The following B4GALT6 variants were observed in gnomAD, a reference collection of about 807,000 sequenced individuals.
B4GALT6 encodes beta-1,4-galactosyltransferase 6, also known as UDP-Gal:beta-GlcNAc beta-1,4-galactosyltransferase 6.
In B4GALT6, 14 loss-of-function variants were observed where a neutral mutation model predicts 46.3. That is an observed-to-expected ratio of 0.30 (90% CI 0.20 to 0.47). B4GALT6 has a LOEUF of 0.47. Ranked by LOEUF, B4GALT6 falls within the 20% of genes least tolerant of loss-of-function variation. The probability of loss-of-function intolerance (pLI) is 0.99; values close to 1 mark genes in which losing one functional copy is unlikely to be tolerated. For synonymous variants in B4GALT6, 168 were observed against 162.0 expected, an observed-to-expected ratio of 1.04 and a Z score of -0.28; for missense variants, 386 against 480.1, an observed-to-expected ratio of 0.80 and a Z score of 1.83.
chr18:31,637,777 T>C (rs897433905), intron 5 of B4GALT6, among the ~76,000 whole-genome samples: 4 of 152,212 alleles, frequency 2.6e-5, no homozygotes, highest in Non-Finnish European at 4.4e-5. Flanking sequence ...AACTGAAATG[T>C]TTTTTCAAAT....
At chr18:31,666,569 C>CA (rs906855620) in intron 1 of B4GALT6, among the ~76,000 whole-genome samples, 197 bp from the exon 2 acceptor site, 4 of 149,722 alleles carry the variant, frequency 2.7e-5, no homozygotes, top group Non-Finnish European at 3.0e-5. Context: ...AGAATAAAAA[C>CA]AAAAAAAAAG....
chr18:31,628,072 T>C lies in B4GALT6; in HGVS notation c.777-951A>G, dbSNP rs62093487. Among the ~76,000 whole-genome samples, 822 of 152,344 alleles carry C rather than the reference T, an allele frequency of 5.4e-3. 4 individuals carry two copies. The highest frequency in any genetic ancestry group is 8.9e-3 in the Non-Finnish European group (604 of 68,026). ...TGAGAAGGACGTGCTGTTTGCCAGC[T>C]GGGGTCTTGTGTGGCACACAGACCA... On this transcript the variant is annotated intron_variant, in intron 6 of 8. Transcript: ENST00000306851.
rs367718116 is a variant in B4GALT6 at position 31,658,040 on chromosome 18, C to A, written c.282G>T (p.Thr94=). ...NSSDYLVQTT[T]YLPENFTYSP... ...AGTATGTGAAGTTTTCCGGGAGATACGTTGTTGTTTGAACAAGATAATCAC... is the reference window on the plus strand; with the variant it reads ...AGTATGTGAAGTTTTCCGGGAGATAAGTTGTTGTTTGAACAAGATAATCAC... Residue 94 remains threonine, a synonymous_variant, in exon 3 of 9, where the codon ACG becomes ACT. Transcript: ENST00000306851. 2 of 1,610,978 alleles carry A rather than the reference C, an allele frequency of 1.2e-6. No individual in the cohort carries two copies. Among genetic ancestry groups the A allele is most frequent in the South Asian group, 1.1e-5 (1 of 90,988 alleles).
the B4GALT6 span, among the ~76,000 whole-genome samples, chr18:31,709,716 G>A: frequency 1.3e-4 from 19 of 151,574 alleles, no homozygotes; most frequent in Admixed American, 5.9e-4. Flanking sequence ...CTAAGATACC[G>A]ACAATTTAAA....
chr18:31,713,337 G>T, the B4GALT6 span, among the ~76,000 whole-genome samples: 1 of 152,200 alleles, frequency 6.6e-6, no homozygotes, highest in East Asian at 1.9e-4. Flanking sequence ...GGGCAATAGC[G>T]TGAGATTCCA....
chr18:31,710,606 C>T, the B4GALT6 span, among the ~76,000 whole-genome samples: 4 of 152,180 alleles, frequency 2.6e-5, no homozygotes, highest in Non-Finnish European at 5.9e-5. Flanking sequence ...GGACTAGGCA[C>T]TCCCTCGTAG....
chr18:31,702,587 A>G, the B4GALT6 span, among the ~76,000 whole-genome samples: 3 of 152,190 alleles, frequency 2.0e-5, no homozygotes, highest in Non-Finnish European at 2.9e-5. Context: ...GAGTTTTAAC[A>G]GGAGACTGTT....
chr18:31,658,260 G>C (rs1423002706), intron 2 of B4GALT6, 171 bp from the exon 3 acceptor site: 1 of 535,452 alleles, frequency 1.9e-6, no homozygotes, highest in African/African-American at 1.9e-5. Flanking sequence ...GCGGGGAACA[G>C]ACCTCTCAGC....
the B4GALT6 span, among the ~76,000 whole-genome samples, chr18:31,703,253 G>T: frequency 6.6e-6 from 1 of 152,300 alleles, no homozygotes; most frequent in South Asian, 2.1e-4. Flanking sequence ...TGGGCAGAAA[G>T]TGGGGAAAAG....
At chr18:31,670,965 T>C (rs1012102818) in intron 1 of B4GALT6, among the ~76,000 whole-genome samples, 2 of 152,036 alleles carry the variant, frequency 1.3e-5, no homozygotes, top group Non-Finnish European at 2.9e-5. Flanking sequence ...TGTGTTCTCA[T>C]TGTTCAACTC....
At chr18:31,626,724 C>T (rs1025288112) in intron 7 of B4GALT6, among the ~76,000 whole-genome samples, 1 of 151,996 alleles carries the variant, frequency 6.6e-6, no homozygotes, top group Admixed American at 6.5e-5. Flanking sequence ...GGTTTCCTCC[C>T]GAAACCATCC....
chr18:31,687,322 G>C (rs966277948), upstream of B4GALT6, among the ~76,000 whole-genome samples: 10 of 152,202 alleles, frequency 6.6e-5, no homozygotes, highest in Non-Finnish European at 1.5e-4. Flanking sequence ...TCTCCTTGCA[G>C]TCACTCTCTG....
intron 2 of B4GALT6, among the ~76,000 whole-genome samples, chr18:31,659,571 C>A (rs16962297): frequency 6.6e-6 from 1 of 152,134 alleles, no homozygotes; most frequent in Non-Finnish European, 1.5e-5. Flanking sequence ...TGCTTGGAAA[C>A]CCCAGTTACA....
intron 4 of B4GALT6, among the ~76,000 whole-genome samples, chr18:31,640,796 T>C (rs1397339868): frequency 6.6e-6 from 1 of 152,246 alleles, no homozygotes; most frequent in Non-Finnish European, 1.5e-5. Context: ...TGAGGGGCAC[T>C]TACTGCTGGG....
At chr18:31,671,449 T>C (rs1360874156) in intron 1 of B4GALT6, among the ~76,000 whole-genome samples, 1 of 152,242 alleles carries the variant, frequency 6.6e-6, no homozygotes, top group Non-Finnish European at 1.5e-5. Context: ...GTAACTGGCA[T>C]GAGATGGTAT....
At chr18:31,697,915 G>A in the B4GALT6 span, among the ~76,000 whole-genome samples, 1 of 151,892 alleles carries the variant, frequency 6.6e-6, no homozygotes, top group Non-Finnish European at 1.5e-5. Flanking sequence ...TTTTTCTGAT[G>A]TTCTGTGGTT....
At chr18:31,723,320 G>A in the B4GALT6 span, among the ~76,000 whole-genome samples, 109 of 152,262 alleles carry the variant, frequency 7.2e-4, no homozygotes, top group African/African-American at 2.6e-3. Context: ...GATTGTACCA[G>A]ACAATCAGTA....
chr18:31,722,831 G>A, the B4GALT6 span, among the ~76,000 whole-genome samples: 1 of 152,036 alleles, frequency 6.6e-6, no homozygotes, highest in African/African-American at 2.4e-5. Flanking sequence ...GAGAATTTGA[G>A]GTCTTCAATC....
At chr18:31,652,241 T>C (rs1275635140) in intron 3 of B4GALT6, among the ~76,000 whole-genome samples, 1 of 152,338 alleles carries the variant, frequency 6.6e-6, no homozygotes, top group Non-Finnish European at 1.5e-5. Context: ...TCTGACGCAC[T>C]TCTCAAGAGT....
Sources: gnomAD v4.1 joint callset for allele counts (sites outside exome capture counted in the v4.1 genomes callset) on GRCh38, gnomAD v4.1.1 for gene constraint, MANE v1.5 for transcripts, NCBI Gene and HGNC (gene_info 2026-07-23, HGNC 2026-07-21) for gene names.